Variants in ATP6V1G2 observed in about 807,000 individuals in gnomAD.
The protein encoded by ATP6V1G2 is ATPase H+ transporting V1 subunit G2, also known as V-type proton ATPase subunit G 2.
In ATP6V1G2, 14 loss-of-function variants were observed where a neutral mutation model predicts 17.8. The observed-to-expected ratio is 0.79, with a 90% confidence interval of 0.52 to 1.23. ATP6V1G2 has a LOEUF of 1.23. ATP6V1G2 is among the 50% of genes most tolerant of loss of function. The pLI is 0.00. For synonymous variants in ATP6V1G2, 57 were observed against 54.8 expected, an observed-to-expected ratio of 1.04 and a Z score of -0.17; for missense variants, 112 against 152.2, an observed-to-expected ratio of 0.74 and a Z score of 1.39.
chr6:31,546,242 T>C lies in ATP6V1G2; in HGVS notation c.83-33A>G, dbSNP rs1481729312. ...CAGAAGAAAGGACAGTGAGTGGGGA[T>C]GGACCCACACACACACAATGTAATA... On this transcript the variant is annotated intron_variant, in intron 1 of 2. Coordinates refer to ENST00000303892, the MANE Select transcript of ATP6V1G2 (RefSeq NM_130463.4). The surrounding 1 kb of genome is among the most constrained non-coding windows in gnomAD (Gnocchi z 4.1). 1 of 1,567,846 alleles carries C rather than the reference T, an allele frequency of 6.4e-7. No homozygotes were observed. Among genetic ancestry groups the C allele is most frequent in the Non-Finnish European group, 8.8e-7 (1 of 1,138,988 alleles).
rs1768822117 is a variant in ATP6V1G2, at chr6:31,544,708, AAG to A, written c.*698_*699del. On this transcript the variant is annotated 3_prime_UTR_variant, in exon 3 of 3. Transcript: ENST00000303892. ...AATGCAGTTATCTACCTGGAATTAT[AAG>A]AGAGGGGCTAAATGTAGTCATCTCC... The A allele has an allele frequency of 2.2e-6, 1 of 456,746 alleles. No individual in the cohort carries two copies. Among genetic ancestry groups the A allele is most frequent in the Non-Finnish European group, 4.4e-6 (1 of 226,964 alleles). 28.3% of individuals were successfully genotyped at this position (456,746 alleles called of 1,614,324 possible).
rs372897597 is a variant in ATP6V1G2, at chr6:31,545,450, G to A, written c.315C>T (p.Asp105=). The stretch of plus-strand genomic sequence containing the variant: ...AGTTGGGGTGGACCTGGGGCCTGAC[G>A]TCGCAGACCATGCCAAGAAGCTGGG... ...VLAQLLGMVC[D]VRPQVHPNYR... The change falls in exon 3 of 3, where the codon GAC becomes GAT. Residue 105 remains aspartate (D), a synonymous_variant. Transcript: ENST00000303892. This position sits in a 1 kb window ranked among gnomAD's most constrained non-coding sequence, Gnocchi z 4.9. 2.5e-4 allele frequency: 396 copies of A among 1,614,010 alleles called. 27 individuals are homozygous for A. The highest frequency in any genetic ancestry group is 1.8e-3 in the East Asian group (80 of 44,876).
rs1406892092 is a variant in ATP6V1G2 at position 31,545,172 on chromosome 6, G to C, written c.*236C>G. ...TTCCCCATATTACAAATTTCACAGA[G>C]GGTTTAGGTGAGAATGACTTGGAAG... is the stretch of plus-strand genomic sequence containing the variant. On this transcript the variant is annotated 3_prime_UTR_variant, in exon 3 of 3. Coordinates refer to ENST00000303892, the MANE Select transcript of ATP6V1G2 (RefSeq NM_130463.4). This position sits in a 1 kb window ranked among gnomAD's most constrained non-coding sequence, Gnocchi z 4.9. The C allele has an allele frequency of 6.7e-6, 4 of 592,862 alleles. No homozygotes were observed. The highest frequency in any genetic ancestry group is 1.9e-5 in the African/African-American group (1 of 53,776). The allele number at this position is 592,862 out of a possible 1,614,324, so 36.7% of individuals were successfully genotyped here.
chr6:31,545,366 G>T lies in ATP6V1G2; in HGVS notation c.*42C>A. ...GTGATTTTGATTGGAGGATTTCTTT[G>T]AGGGAGGGAACTGGCAGAAGGAGTC... is the stretch of plus-strand genomic sequence containing the variant. On this transcript the variant is annotated 3_prime_UTR_variant, in exon 3 of 3. Transcript: ENST00000303892. The surrounding 1 kb of genome is among the most constrained non-coding windows in gnomAD (Gnocchi z 4.9). 6.3e-7 allele frequency: 1 copy of T among 1,590,254 alleles called. No individual in the cohort carries two copies. Among genetic ancestry groups the T allele is most frequent in the South Asian group, 1.1e-5 (1 of 88,760 alleles).
chr6:31,546,236 T>C lies in ATP6V1G2; in HGVS notation c.83-27A>G. 6.2e-7 allele frequency: 1 copy of C among 1,600,040 alleles called. No individual in the cohort carries two copies. ...TGGAGGCAGAAGAAAGGACAGTGAG[T>C]GGGGATGGACCCACACACACACAAT... On this transcript the variant is annotated intron_variant, in intron 1 of 2. Coordinates refer to ENST00000303892, the MANE Select transcript of ATP6V1G2 (RefSeq NM_130463.4). The surrounding 1 kb of genome is among the most constrained non-coding windows in gnomAD (Gnocchi z 4.1).
chr6:31,546,204 C>G lies in ATP6V1G2; in HGVS notation c.88G>C (p.Ala30Pro), dbSNP rs1562440617. The G allele has an allele frequency of 6.2e-7, 1 of 1,613,974 alleles. No homozygotes were observed. Among genetic ancestry groups the G allele is most frequent in the East Asian group, 2.2e-5 (1 of 44,884 alleles). Residue 30 changes from alanine (A) to proline (P), a missense_variant, in exon 2 of 3, where the codon GCC becomes CCC. Coordinates refer to ENST00000303892, the MANE Select transcript of ATP6V1G2 (RefSeq NM_130463.4). The surrounding 1 kb of genome is among the most constrained non-coding windows in gnomAD (Gnocchi z 4.1). ...EKVADARKRKARRLKQAKEEA... is the reference protein window; with the variant it reads ...EKVADARKRKPRRLKQAKEEA... ...TCCTTTGCCTGCTTCAGTCGCCGGG[C>G]CTTCCCTGGAGGCAGAAGAAAGGAC...
Position 31,546,087 on chromosome 6 carries a change from A to T in ATP6V1G2, c.183+22T>A, listed in dbSNP as rs2523502. 0.83 allele frequency: 1,334,135 copies of T among 1,612,888 alleles called. 553,444 individuals carry two copies. The highest frequency in any genetic ancestry group is 0.93 in the South Asian group (84,300 of 91,048). On this transcript the variant is annotated intron_variant, in intron 2 of 2. Coordinates refer to ENST00000303892, the MANE Select transcript of ATP6V1G2 (RefSeq NM_130463.4). The surrounding 1 kb of genome is among the most constrained non-coding windows in gnomAD (Gnocchi z 4.1). Reference sequence around the variant, plus strand: ...CCCACCAACTTGCAGTGGGGTCTCAACCCGACTCTGCCTCAACTCACCGCC... The same window carrying T: ...CCCACCAACTTGCAGTGGGGTCTCATCCCGACTCTGCCTCAACTCACCGCC...
rs777766799 is a variant in ATP6V1G2, at chr6:31,546,146, C to T, written c.146G>A (p.Arg49Lys). The T allele has an allele frequency of 3.7e-6, 6 of 1,614,088 alleles. No individual in the cohort carries two copies. Among genetic ancestry groups the T allele is most frequent in the Non-Finnish European group, 5.1e-6 (6 of 1,180,014 alleles). ...GCTCTGGAATTCGTGCTCTCGCTCT[C>T]TGCGGTATTGCTCCACCTCCATCTG... is the stretch of plus-strand genomic sequence containing the variant. ...EAQMEVEQYR[R>K]EREHEFQSKQ... The change falls in exon 2 of 3, where the codon AGA becomes AAA. Residue 49 changes from arginine (R) to lysine (K), a missense_variant. Arg to Lys is a conservative substitution (Grantham distance 26). Transcript: ENST00000303892. The surrounding 1 kb of genome is among the most constrained non-coding windows in gnomAD (Gnocchi z 4.1).
Position 31,545,449 on chromosome 6 carries a change from C to T in ATP6V1G2, c.316G>A (p.Val106Ile), listed in dbSNP as rs774547579. 7 of 1,613,962 alleles carry T rather than the reference C, an allele frequency of 4.3e-6. No individual in the cohort carries two copies. The highest frequency in any genetic ancestry group is 1.1e-5 in the South Asian group (1 of 91,030). The change falls in exon 3 of 3, where the codon GTC becomes ATC. Residue 106 changes from valine to isoleucine, a missense_variant. Physicochemically the swap from Val to Ile is conservative, Grantham distance 29. Transcript: ENST00000303892. This position sits in a 1 kb window ranked among gnomAD's most constrained non-coding sequence, Gnocchi z 4.9. ...TAGTTGGGGTGGACCTGGGGCCTGA[C>T]GTCGCAGACCATGCCAAGAAGCTGG... ...LAQLLGMVCDVRPQVHPNYRI... is the reference protein window; with the variant it reads ...LAQLLGMVCDIRPQVHPNYRI...
chr6:31,545,680 A>G lies in ATP6V1G2; in HGVS notation c.184-99T>C. On this transcript the variant is annotated intron_variant, in intron 2 of 2. Coordinates refer to ENST00000303892, the MANE Select transcript of ATP6V1G2 (RefSeq NM_130463.4). This position sits in a 1 kb window ranked among gnomAD's most constrained non-coding sequence, Gnocchi z 4.9. ...GAAAGATCCTGAAACAAAGCCTAGA[A>G]GAAAGGCCCTCTCAGAAACCACCCC... 7.4e-7 allele frequency: 1 copy of G among 1,344,914 alleles called. No homozygotes were observed. The highest frequency in any genetic ancestry group is 1.0e-6 in the Non-Finnish European group (1 of 1,001,400). 83.3% of individuals were successfully genotyped at this position (1,344,914 alleles called of 1,614,324 possible). A position where few individuals can be genotyped will look rare whatever the true frequency, so the allele number is the denominator to read the frequency against.
In ATP6V1G2 at chr6:31,545,652, G is replaced by A. The variant is rs1454183861; in HGVS notation, c.184-71C>T. 3.3e-6 allele frequency: 5 copies of A among 1,500,078 alleles called. No homozygotes were observed. The African/African-American group carries it at 5.6e-5, about 17-fold the overall frequency. 92.9% of individuals were successfully genotyped at this position (1,500,078 alleles called of 1,614,324 possible). A position where few individuals can be genotyped will look rare whatever the true frequency, so the allele number is the denominator to read the frequency against. On this transcript the variant is annotated intron_variant, in intron 2 of 2. Transcript: ENST00000303892. The surrounding 1 kb of genome is among the most constrained non-coding windows in gnomAD (Gnocchi z 4.9). ...AACAGACAAGGGTCCAGGCATATGA[G>A]GGGAAAGATCCTGAAACAAAGCCTA... is the stretch of plus-strand genomic sequence containing the variant.
rs552157648 is a variant in ATP6V1G2, at chr6:31,544,640, TAAAGAC to T, written c.*762_*767del. On this transcript the variant is annotated 3_prime_UTR_variant, in exon 3 of 3. Coordinates refer to ENST00000303892, the MANE Select transcript of ATP6V1G2 (RefSeq NM_130463.4). ...GAAATAGGAAAGGAGGAAAATCTAATAAAGACAAAGATCAGCAAAAGAAAAACAAAG... is the reference window on the plus strand; with the variant it reads ...GAAATAGGAAAGGAGGAAAATCTAATAAAGATCAGCAAAAGAAAAACAAAG... 1,625 of 445,684 alleles carry T rather than the reference TAAAGAC, an allele frequency of 3.6e-3. 33 individuals are homozygous for T. The highest frequency in any genetic ancestry group is 0.024 in the South Asian group (1,474 of 62,644). The allele number at this position is 445,684 out of a possible 1,614,324, so 27.6% of individuals were successfully genotyped here. A position where few individuals can be genotyped will look rare whatever the true frequency, so the allele number is the denominator to read the frequency against.
Position 31,546,579 on chromosome 6 carries a change from G to A in ATP6V1G2, c.-20C>T, listed in dbSNP as rs1295261892. The A allele has an allele frequency of 6.2e-7, 1 of 1,609,300 alleles. No individual in the cohort carries two copies. The highest frequency in any genetic ancestry group is 1.3e-5 in the African/African-American group (1 of 74,826). ...GGCCATTTCTGTTGTTATGGCCGATGCTGTTTTGAATGCTGTCAAAGTACC... is the reference window on the plus strand; with the variant it reads ...GGCCATTTCTGTTGTTATGGCCGATACTGTTTTGAATGCTGTCAAAGTACC... On this transcript the variant is annotated 5_prime_UTR_variant, in exon 1 of 3. Coordinates refer to ENST00000303892, the MANE Select transcript of ATP6V1G2 (RefSeq NM_130463.4). The surrounding 1 kb of genome is among the most constrained non-coding windows in gnomAD (Gnocchi z 4.1).
Position 31,545,586 on chromosome 6 carries a change from G to T in ATP6V1G2, c.184-5C>A, listed in dbSNP as rs766978635. The T allele has an allele frequency of 2.5e-6, 4 of 1,613,394 alleles. No individual in the cohort carries two copies. Among genetic ancestry groups the T allele is most frequent in the Non-Finnish European group, 3.4e-6 (4 of 1,179,842 alleles). ...GTTCCCCTGGGAGCCCATGGCCTGGGGGGTAGGGAGAGGGGTGGAAGAGAG... is the reference window on the plus strand; with the variant it reads ...GTTCCCCTGGGAGCCCATGGCCTGGTGGGTAGGGAGAGGGGTGGAAGAGAG... On this transcript the variant is annotated splice_polypyrimidine_tract_variant and splice_region_variant and intron_variant, in intron 2 of 2. Transcript: ENST00000303892. This position sits in a 1 kb window ranked among gnomAD's most constrained non-coding sequence, Gnocchi z 4.9.
Position 31,546,426 on chromosome 6 carries a change from C to T in ATP6V1G2, c.82+52G>A, listed in dbSNP as rs1464034912. On this transcript the variant is annotated intron_variant, in intron 1 of 2. Transcript: ENST00000303892. The surrounding 1 kb of genome is among the most constrained non-coding windows in gnomAD (Gnocchi z 4.1). ...GGTTTTCCCAAAATGTTTGCTGTCCCCCACCCCCAATTTTCTTTCCAAACT... is the reference window on the plus strand; with the variant it reads ...GGTTTTCCCAAAATGTTTGCTGTCCTCCACCCCCAATTTTCTTTCCAAACT... The T allele has an allele frequency of 1.3e-6, 2 of 1,569,296 alleles. No homozygotes were observed. The highest frequency in any genetic ancestry group is 1.4e-5 in the African/African-American group (1 of 73,690).
Position 31,544,596 on chromosome 6 carries a change from C to A in ATP6V1G2, c.*812G>T. ...ATTTTAGATCTTAGAAAGCAATGAG[C>A]ATCTGATAAGTCTTTGGGGAAATAG... On this transcript the variant is annotated 3_prime_UTR_variant, in exon 3 of 3. Transcript: ENST00000303892. 2.4e-6 allele frequency: 1 copy of A among 412,246 alleles called. No homozygotes were observed. 25.5% of individuals were successfully genotyped at this position (412,246 alleles called of 1,614,324 possible).
chr6:31,544,705 TATAAG>T lies in ATP6V1G2; in HGVS notation c.*698_*702del. 2.2e-6 allele frequency: 1 copy of T among 456,640 alleles called. No individual in the cohort carries two copies. The highest frequency in any genetic ancestry group is 2.0e-5 in the African/African-American group (1 of 50,182). 28.3% of individuals were successfully genotyped at this position (456,640 alleles called of 1,614,324 possible). ...CAAAATGCAGTTATCTACCTGGAAT[TATAAG>T]AGAGGGGCTAAATGTAGTCATCTCC... On this transcript the variant is annotated 3_prime_UTR_variant, in exon 3 of 3. Coordinates refer to ENST00000303892, the MANE Select transcript of ATP6V1G2 (RefSeq NM_130463.4).
rs45529339 is a variant in ATP6V1G2, at chr6:31,545,159, C to T, written c.*249G>A. The stretch of plus-strand genomic sequence containing the variant: ...TCCACATTCCTACTTCCCCATATTA[C>T]AAATTTCACAGAGGGTTTAGGTGAG... On this transcript the variant is annotated 3_prime_UTR_variant, in exon 3 of 3. Coordinates refer to ENST00000303892, the MANE Select transcript of ATP6V1G2 (RefSeq NM_130463.4). This position sits in a 1 kb window ranked among gnomAD's most constrained non-coding sequence, Gnocchi z 4.9. The T allele has an allele frequency of 0.035, 20,030 of 577,722 alleles. 474 individuals are homozygous for T. The highest frequency in any genetic ancestry group is 0.046 in the Non-Finnish European group (15,382 of 331,470). The allele number at this position is 577,722 out of a possible 1,614,324, so 35.8% of individuals were successfully genotyped here.
chr6:31,546,625 C>CAA, upstream of ATP6V1G2: 1 of 1,450,108 alleles, frequency 6.9e-7, no homozygotes, highest in Non-Finnish European at 9.6e-7. The surrounding 1 kb of genome is among the most constrained non-coding windows in gnomAD (Gnocchi z 4.1). Context: ...CACCCCCCAC[C>CAA]GCTTACTTCT....
Sources: gnomAD v4.1 joint callset for allele counts on GRCh38, gnomAD v4.1.1 for gene constraint, Gnocchi (gnomAD v3.1) non-coding constraint, MANE v1.5 for transcripts, NCBI Gene and HGNC (gene_info 2026-07-23, HGNC 2026-07-21) for gene names.